Variants in ARHGAP36 observed in about 807,000 individuals in gnomAD.
ARHGAP36 encodes Rho GTPase activating protein 36, also known as rho GTPase-activating protein 36.
ARHGAP36 carries 7 observed loss-of-function variants against 32.9 expected under a neutral mutation model. The observed-to-expected ratio is 0.21, with a 90% CI of 0.12 to 0.40. The LOEUF is 0.40. Ranked by LOEUF, ARHGAP36 falls within the 10% of genes least tolerant of loss-of-function variation. The pLI is 1.00. For missense variants in ARHGAP36, 383 were observed against 442.2 expected, an observed-to-expected ratio of 0.87 and a Z score of 1.20; for synonymous variants, 165 against 168.3, an observed-to-expected ratio of 0.98 and a Z score of 0.15.
intron 9 of ARHGAP36, 112 bp downstream of exon 9, chrX:131,086,201 C>A: frequency 9.0e-7 from 1 of 1,108,231 alleles, no homozygotes; most frequent in South Asian, 2.0e-5. Context: ...GCCACAAGAT[C>A]GTCCAGTCTA....
At chrX:131,068,102 C>G (rs746907747) in intron 1 of ARHGAP36, among the ~76,000 whole-genome samples, 3 of 111,883 alleles carry the variant, frequency 2.7e-5, no homozygotes, top group African/African-American at 9.8e-5. Context: ...CGTGCACACA[C>G]AAACACATGC....
Position 131,083,664 on chromosome X carries a change from C to T in ARHGAP36, c.320-70C>T, listed in dbSNP as rs184742701. The T allele has an allele frequency of 3.8e-6, 4 of 1,056,447 alleles. No individual in the cohort carries two copies. In the African/African-American group the frequency reaches 5.5e-5, roughly 15 times the overall value. The allele number at this position is 1,056,447 out of a possible 1,213,427, so 87.1% of individuals were successfully genotyped here. On this transcript the variant is annotated intron_variant, in intron 3 of 11. Transcript: ENST00000276211. ...TGGTTGCTGGGAGGAGTGCTACAGC[C>T]CCTGCTTCCTCCTGATTTAAGCGCT...
chrX:131,079,562 GTT>G (rs11417328), intron 1 of ARHGAP36, among the ~76,000 whole-genome samples: 2 of 93,134 alleles, frequency 2.1e-5, no homozygotes, highest in African/African-American at 7.9e-5. Flanking sequence ...TTTGTTTTTT[GTT>G]TTTTTTTTTT....
intron 1 of ARHGAP36, among the ~76,000 whole-genome samples, chrX:131,068,504 A>C (rs1000153000): frequency 3.6e-5 from 4 of 112,011 alleles, no homozygotes; most frequent in Admixed American, 1.9e-4. Context: ...CTAGGGAATC[A>C]GCGAGCTGGC....
chrX:131,074,042 A>G (rs2079747078), intron 1 of ARHGAP36, among the ~76,000 whole-genome samples: 2 of 110,352 alleles, frequency 1.8e-5, no homozygotes, highest in Non-Finnish European at 3.8e-5. Flanking sequence ...TGGGGAAGAT[A>G]TGATCAAAGG....
Position 131,085,725 on chromosome X carries a change from G to A in ARHGAP36, c.1093G>A (p.Asp365Asn). The change falls in exon 8 of 12, where the codon GAT (aspartate) becomes AAT (asparagine). Residue 365 changes from aspartate (D) to asparagine (N), a missense_variant. This residue lies in a region of ARHGAP36 where 227 missense variants were observed against 311.3 expected (regional missense o/e 0.73). Transcript: ENST00000276211. ...TENCEDSIGI[D>N]GQLVPGNRMT... Reference sequence around the variant, plus strand: ...GAACTGCGAGGACTCAATTGGCATTGATGGACAGTTGGTAAAAAGATCTTG... The same window carrying A: ...GAACTGCGAGGACTCAATTGGCATTAATGGACAGTTGGTAAAAAGATCTTG... 1 of 1,211,329 alleles carries A rather than the reference G, an allele frequency of 8.3e-7. No homozygotes were observed. The highest frequency in any genetic ancestry group is 1.1e-6 in the Non-Finnish European group (1 of 895,406).
At chrX:131,085,532 A>G (rs2079830302) in intron 7 of ARHGAP36, 56 bp from the exon 8 acceptor site, 3 of 1,158,188 alleles carry the variant, frequency 2.6e-6, no homozygotes, top group South Asian at 2.0e-5. Flanking sequence ...CTCCCTTGGT[A>G]TCAGTCTGCA....
chrX:131,062,562 T>TTATA (rs2079675367), intron 1 of ARHGAP36, among the ~76,000 whole-genome samples: 1 of 111,771 alleles, frequency 8.9e-6, no homozygotes, highest in African/African-American at 3.3e-5. Context: ...AGGCCAGCTC[T>TTATA]TATAAGGTTG....
In ARHGAP36 at chrX:131,058,358, T is replaced by C; in HGVS notation, c.-229T>C. ...TGCGGGGGACGACGCAAAGGTTAAC[T>C]GCGAGCTGCCGGGCACTCAGCGCGG... On this transcript the variant is annotated 5_prime_UTR_variant, in exon 1 of 12. Transcript: ENST00000276211. 8.9e-7 allele frequency: 1 copy of C among 1,126,601 alleles called. No homozygotes were observed. Among genetic ancestry groups the C allele is most frequent in the Non-Finnish European group, 1.2e-6 (1 of 853,346 alleles). The allele number at this position is 1,126,601 out of a possible 1,213,427, so 92.8% of individuals were successfully genotyped here.
At chrX:131,085,785 G>A (rs1304553999) in intron 8 of ARHGAP36, 49 bp downstream of exon 8, 1 of 1,195,160 alleles carries the variant, frequency 8.4e-7, no homozygotes, top group Non-Finnish European at 1.1e-6. Flanking sequence ...GGGGACATAT[G>A]TGGGAGTATA....
chrX:131,058,550 C>A, intron 1 of ARHGAP36, 106 bp downstream of exon 1: 1 of 697,467 alleles, frequency 1.4e-6, no homozygotes, highest in Non-Finnish European at 1.9e-6. Context: ...GCCCCCTTGC[C>A]TCCCTTCCTG....
intron 1 of ARHGAP36, among the ~76,000 whole-genome samples, chrX:131,065,575 C>T (rs942528250): frequency 9.0e-6 from 1 of 111,111 alleles, no homozygotes; most frequent in African/African-American, 3.3e-5. Context: ...CCAAAGTTTG[C>T]CTGAACACCT....
At chrX:131,061,705 C>T (rs903333278) in intron 1 of ARHGAP36, among the ~76,000 whole-genome samples, 6 of 111,239 alleles carry the variant, frequency 5.4e-5, no homozygotes, top group African/African-American at 1.3e-4. Context: ...CAAGTCAGGT[C>T]GTCAGATAAG....
chrX:131,070,974 G>T (rs2079730456), intron 1 of ARHGAP36, among the ~76,000 whole-genome samples: 1 of 109,845 alleles, frequency 9.1e-6, no homozygotes, highest in Non-Finnish European at 1.9e-5. Flanking sequence ...TTTTTTCCTG[G>T]CATATAGGTC....
intron 1 of ARHGAP36, among the ~76,000 whole-genome samples, chrX:131,074,666 A>G (rs1377055070): frequency 8.9e-6 from 1 of 111,913 alleles, no homozygotes; most frequent in African/African-American, 3.3e-5. Context: ...AAGAAAGATG[A>G]TGTTAAACCC....
chrX:131,061,198 TA>T (rs2079666468), intron 1 of ARHGAP36, among the ~76,000 whole-genome samples: 1 of 110,069 alleles, frequency 9.1e-6, no homozygotes, highest in Non-Finnish European at 1.9e-5. Flanking sequence ...TGATGTTTGC[TA>T]TTTTTTTTTT....
intron 1 of ARHGAP36, among the ~76,000 whole-genome samples, chrX:131,079,569 T>G (rs1288397163): frequency 2.9e-4 from 31 of 107,686 alleles, no homozygotes; most frequent in East Asian, 2.3e-3. Flanking sequence ...TTTGTTTTTT[T>G]TTTTTTGGAC....
intron 1 of ARHGAP36, chrX:131,078,603 G>A: frequency 2.5e-6 from 1 of 398,432 alleles, no homozygotes; most frequent in Non-Finnish European, 3.9e-6. Flanking sequence ...CAAATCTCAA[G>A]ATCCTGTTAT....
chrX:131,080,593 C>G (rs1000013918), intron 1 of ARHGAP36, among the ~76,000 whole-genome samples: 1 of 111,456 alleles, frequency 9.0e-6, no homozygotes, highest in African/African-American at 3.3e-5. Flanking sequence ...GCTTTGTAGT[C>G]TGGAAGTAGT....
Sources: allele counts gnomAD v4.1 joint callset (sites outside exome capture counted in the v4.1 genomes callset), GRCh38; gene constraint gnomAD v4.1.1; regional missense constraint gnomAD v4.1.1; transcripts MANE v1.5; gene names NCBI Gene and HGNC (gene_info 2026-07-23, HGNC 2026-07-21).